RASGRP3: variants seen among roughly 807,000 people sequenced by gnomAD.
RASGRP3 encodes ras guanyl-releasing protein 3.
A neutral mutation model predicts 82.7 loss-of-function variants in RASGRP3; 54 were observed. The ratio of observed to expected loss-of-function variants is 0.65; its 90% CI spans 0.52 to 0.82. The LOEUF is 0.82. Among genes scored for constraint, RASGRP3 ranks in the 40% least tolerant of loss-of-function variants. The probability of loss-of-function intolerance (pLI) is 0.00; values close to 1 mark genes in which losing one functional copy is unlikely to be tolerated. For missense variants in RASGRP3, 861 were observed against 828.9 expected (o/e 1.04, Z -0.48); for synonymous variants, 309 against 300.5 (o/e 1.03, Z -0.29).
At chr2:33,523,461 TAAAAA>T (rs74978733) in intron 7 of RASGRP3, among the ~76,000 whole-genome samples, 1 of 144,718 alleles carries the variant, frequency 6.9e-6, no homozygotes, top group Non-Finnish European at 1.5e-5. Context: ...GACAGTCGGT[TAAAAA>T]AAAAAAAAAA....
rs574411682 is a variant in RASGRP3 at position 33,466,326 on chromosome 2, A to C, written c.-261+18383A>C. ...GGAGGAGGTCCGATTATTGACATTA[A>C]TAGGAGTTTGAAAGAAGTTTACCCC... On this transcript the variant is annotated intron_variant, in intron 2 of 18. Coordinates refer to the RASGRP3 transcript ENST00000402538. Among the ~76,000 whole-genome samples, 55 of 152,360 alleles carry C rather than the reference A, an allele frequency of 3.6e-4. 1 individual carries two copies. Among genetic ancestry groups the C allele is most frequent in the Non-Finnish European group, 7.1e-4 (48 of 68,034 alleles).
Position 33,520,623 on chromosome 2 carries a change from C to T in RASGRP3, c.307C>T (p.Arg103Trp), listed in dbSNP as rs371205458. The T allele has an allele frequency of 5.0e-6, 8 of 1,613,892 alleles. No individual in the cohort carries two copies. Among genetic ancestry groups the T allele is most frequent in the South Asian group, 2.2e-5 (2 of 91,084 alleles). Residue 103 changes from arginine (R) to tryptophan (W), a missense_variant, in exon 6 of 18, where the codon CGG becomes TGG. Transcript: ENST00000403687. ...LGLIRMTEEF[R>W]EVASQLGYEK... ...TTTGATTCGTATGACTGAGGAATTT[C>T]GGGAAGTAGCTAGTCAACTAGGATA...
intron 1 of RASGRP3, among the ~76,000 whole-genome samples, chr2:33,489,965 GA>G (rs1378966881): frequency 4.6e-5 from 7 of 152,204 alleles, no homozygotes; most frequent in African/African-American, 1.7e-4. Flanking sequence ...CAGGAAAAGA[GA>G]ACTGAGGGCA....
rs184854991 is a variant in RASGRP3, at chr2:33,511,770, T to G, written c.-200T>G. On this transcript the variant is annotated 5_prime_UTR_variant, in exon 2 of 18. The change abolishes an upstream ATG in the 5' untranslated region. Transcript: ENST00000403687. ...CCAGTTCTACAGACTGCTTCTTCCA[T>G]GCATTTCCCAATGATGCTAGCTGCC... 6.5e-6 allele frequency: 1 copy of G among 152,802 alleles called. No individual in the cohort carries two copies. The highest frequency in any genetic ancestry group is 6.5e-5 in the Admixed American group (1 of 15,312). The allele number at this position is 152,802 out of a possible 1,614,324, so 9.5% of individuals were successfully genotyped here.
upstream of RASGRP3, among the ~76,000 whole-genome samples, chr2:33,475,224 G>A (rs1242969193): frequency 6.6e-6 from 1 of 152,168 alleles, no homozygotes; most frequent in Non-Finnish European, 1.5e-5. Context: ...ATTTGTTTTG[G>A]TGCTTACAAA....
At chr2:33,562,674 T>G in intron 17 of RASGRP3, 55 bp from the exon 18 acceptor site, 1 of 1,593,172 alleles carries the variant, frequency 6.3e-7, no homozygotes, top group Non-Finnish European at 8.6e-7. Context: ...CTAGGAACAC[T>G]CTTATTTTGT....
At chr2:33,555,914 T>C (rs1387848725) in intron 15 of RASGRP3, among the ~76,000 whole-genome samples, 1 of 152,192 alleles carries the variant, frequency 6.6e-6, no homozygotes, top group African/African-American at 2.4e-5. Flanking sequence ...ACACTATTTC[T>C]CTAATGCACA....
intron 15 of RASGRP3, 130 bp from the exon 16 acceptor site, chr2:33,558,081 G>A (rs1676208732): frequency 4.8e-6 from 6 of 1,252,382 alleles, no homozygotes; most frequent in Non-Finnish European, 6.7e-6. Context: ...CCATGGGCCT[G>A]AGCTCAACTC....
At chr2:33,513,420 G>C (rs548225481) in intron 2 of RASGRP3, among the ~76,000 whole-genome samples, 9 of 152,258 alleles carry the variant, frequency 5.9e-5, no homozygotes, top group African/African-American at 1.9e-4. Context: ...GCCTGTTGAA[G>C]GTAAGAATGG....
At chr2:33,446,806 G>T (rs1665525598) in intron 1 of RASGRP3, among the ~76,000 whole-genome samples, 1 of 151,892 alleles carries the variant, frequency 6.6e-6, no homozygotes, top group Non-Finnish European at 1.5e-5. Context: ...TTAACTGTTG[G>T]ATCCTGCAGA....
At chr2:33,460,180 C>T (rs72865932) in intron 2 of RASGRP3, among the ~76,000 whole-genome samples, 21,317 of 152,120 alleles carry the variant, frequency 0.14, 1,605 homozygotes, top group East Asian at 0.22. Context: ...TATAACTATA[C>T]TGTGGAGTAG....
chr2:33,525,094 C>A (rs1431947358), intron 9 of RASGRP3, among the ~76,000 whole-genome samples: 95 of 133,542 alleles, frequency 7.1e-4, no homozygotes, highest in Middle Eastern at 3.8e-3. Flanking sequence ...AAAAAAAAAA[C>A]CAAAAAAAAA....
At position 33,520,473 on chromosome 2, in the gene RASGRP3, G is replaced by C. The variant is rs1386777760; in HGVS notation, c.237-80G>C. 6 of 1,548,116 alleles carry C rather than the reference G, an allele frequency of 3.9e-6. No homozygotes were observed. In the African/African-American group the frequency reaches 8.2e-5, roughly 21 times the overall value. ...GGTCCTGGACTTGGTGTTAAATGTA[G>C]TCTGTAAAACGGTACAATCGTTTCC... On this transcript the variant is annotated intron_variant, in intron 5 of 17. Transcript: ENST00000403687.
intron 14 of RASGRP3, among the ~76,000 whole-genome samples, chr2:33,550,810 A>G (rs941491776): frequency 1.3e-4 from 20 of 152,182 alleles, no homozygotes; most frequent in Non-Finnish European, 1.2e-4. Context: ...CAGGAGCCCA[A>G]TGCAGGAGTC....
At chr2:33,521,078 G>A in intron 6 of RASGRP3, among the ~76,000 whole-genome samples, 1 of 152,138 alleles carries the variant, frequency 6.6e-6, no homozygotes, top group East Asian at 1.9e-4. Flanking sequence ...GAGCTCATTA[G>A]GAATGCAGCC....
chr2:33,558,488 C>A (rs1241155160), intron 16 of RASGRP3, among the ~76,000 whole-genome samples, 152 bp downstream of exon 16: 1 of 152,158 alleles, frequency 6.6e-6, no homozygotes, highest in African/African-American at 2.4e-5. Flanking sequence ...ACCCTTGAAT[C>A]ATCCTTGCTT....
chr2:33,491,641 C>T (rs1360766909), intron 1 of RASGRP3, among the ~76,000 whole-genome samples: 2 of 152,220 alleles, frequency 1.3e-5, no homozygotes, highest in East Asian at 1.9e-4. Context: ...GACTGCATTG[C>T]GTTTGCATCT....
upstream of RASGRP3, chr2:33,476,476 A>G (rs1193502674): frequency 6.6e-6 from 1 of 152,224 alleles, no homozygotes; most frequent in Non-Finnish European, 1.5e-5. Flanking sequence ...TGCTCATGAG[A>G]TGGCTGAGCC....
chr2:33,507,896 T>C (rs1004471726), intron 1 of RASGRP3, among the ~76,000 whole-genome samples: 3 of 152,192 alleles, frequency 2.0e-5, no homozygotes, highest in Non-Finnish European at 4.4e-5. Context: ...ACCTATACTG[T>C]GGATGGGGAA....
Sources: allele counts gnomAD v4.1 joint callset (sites outside exome capture counted in the v4.1 genomes callset), GRCh38; gene constraint gnomAD v4.1.1; transcripts MANE v1.5; gene names NCBI Gene and HGNC (gene_info 2026-07-23, HGNC 2026-07-21).